LMBRD2: variants seen among roughly 807,000 people sequenced by gnomAD.
LMBRD2 encodes the protein G protein-coupled receptor-associated protein LMBRD2.
In LMBRD2, 55 loss-of-function variants were observed where a neutral mutation model predicts 94.4. That is an observed-to-expected ratio of 0.58 (90% CI 0.47 to 0.73). LMBRD2 has a LOEUF of 0.73. Ranked by LOEUF, LMBRD2 falls within the 30% of genes least tolerant of loss-of-function variation. LMBRD2 has a pLI of 0.00. For missense variants in LMBRD2, 640 were observed against 831.9 expected, an observed-to-expected ratio of 0.77 and a Z score of 2.84; for synonymous variants, 246 against 272.4, an observed-to-expected ratio of 0.90 and a Z score of 0.95.
Position 36,101,488 on chromosome 5 carries a change from G to C in LMBRD2, c.*2558C>G, listed in dbSNP as rs1743345053. On this transcript the variant is annotated 3_prime_UTR_variant, in exon 18 of 18. Coordinates refer to ENST00000296603, the MANE Select transcript of LMBRD2 (RefSeq NM_001007527.2). ...TTTGCATGTAAAGTATATGTATTTA[G>C]TAGTCCTATTTTGCAGTAGATGTCA... is the stretch of plus-strand genomic sequence containing the variant. 1 of 151,820 alleles carries C rather than the reference G, an allele frequency of 6.6e-6. No individual in the cohort carries two copies. Among genetic ancestry groups the C allele is most frequent in the Non-Finnish European group, 1.5e-5 (1 of 67,824 alleles). 9.4% of individuals were successfully genotyped at this position (151,820 alleles called of 1,614,324 possible).
intron 16 of LMBRD2, among the ~76,000 whole-genome samples, chr5:36,108,014 C>CA (rs1437890823): frequency 6.6e-6 from 1 of 152,128 alleles, no homozygotes; most frequent in African/African-American, 2.4e-5. Context: ...AGTGTGGGGT[C>CA]AGTGATACAA....
chr5:36,114,656 A>C, intron 12 of LMBRD2, 135 bp from the exon 13 acceptor site: 2 of 1,095,210 alleles, frequency 1.8e-6, no homozygotes, highest in Non-Finnish European at 2.4e-6. Flanking sequence ...AAAAGCAGTA[A>C]ATGGACTTAT....
intron 3 of LMBRD2, among the ~76,000 whole-genome samples, chr5:36,142,008 G>A (rs1744421370): frequency 1.3e-5 from 2 of 152,048 alleles, no homozygotes; most frequent in African/African-American, 2.4e-5. Flanking sequence ...TTAAAAGTTC[G>A]ATATGAATTC....
intron 6 of LMBRD2, among the ~76,000 whole-genome samples, chr5:36,126,244 T>C (rs560248356): frequency 1.3e-5 from 2 of 152,348 alleles, no homozygotes; most frequent in South Asian, 2.1e-4. Context: ...ACTTTTAATA[T>C]GAACTAAACA....
intron 2 of LMBRD2, 64 bp from the exon 3 acceptor site, chr5:36,142,663 T>A: frequency 1.2e-6 from 1 of 869,258 alleles, no homozygotes; most frequent in South Asian, 1.4e-5. Flanking sequence ...TTAAAGGACA[T>A]CAGAGTTTAT....
chr5:36,124,101 A>G (rs1743949250), intron 7 of LMBRD2, 90 bp downstream of exon 7: 1 of 673,984 alleles, frequency 1.5e-6, no homozygotes. Context: ...GACCTCAGCT[A>G]TAGGCTGTTT....
At chr5:36,106,469 A>C (rs1362739752) in intron 16 of LMBRD2, among the ~76,000 whole-genome samples, 1 of 149,540 alleles carries the variant, frequency 6.7e-6, no homozygotes. Flanking sequence ...CCAGATTGAA[A>C]TCTTACCTTT....
chr5:36,138,578 C>T (rs145292501), intron 4 of LMBRD2, among the ~76,000 whole-genome samples: 3 of 152,108 alleles, frequency 2.0e-5, no homozygotes, highest in Admixed American at 6.5e-5. Context: ...GAAGCGTGAG[C>T]GAGGCTTCTG....
At chr5:36,117,434 T>C (rs1184964941) in intron 10 of LMBRD2, among the ~76,000 whole-genome samples, 2 of 151,820 alleles carry the variant, frequency 1.3e-5, no homozygotes, top group African/African-American at 4.8e-5. Flanking sequence ...CAGTGAGCCA[T>C]GTTCATGCCA....
rs557380321 is a variant in LMBRD2, at chr5:36,099,683, T to C, written c.*4363A>G. 50 of 152,284 alleles carry C rather than the reference T, an allele frequency of 3.3e-4. No individual in the cohort carries two copies. The highest frequency in any genetic ancestry group is 1.2e-3 in the African/African-American group (48 of 41,588). The allele number at this position is 152,284 out of a possible 1,614,324, so 9.4% of individuals were successfully genotyped here. A position where few individuals can be genotyped will look rare whatever the true frequency, so the allele number is the denominator to read the frequency against. ...TTTGAACTAAGTACAGTAAAATTCT[T>C]TCACAAAATAATCTGAGATCAAGAT... On this transcript the variant is annotated 3_prime_UTR_variant, in exon 18 of 18. Coordinates refer to ENST00000296603, the MANE Select transcript of LMBRD2 (RefSeq NM_001007527.2).
intron 5 of LMBRD2, 86 bp from the exon 6 acceptor site, chr5:36,136,605 A>G (rs1284963826): frequency 1.9e-6 from 2 of 1,035,234 alleles, no homozygotes; most frequent in Non-Finnish European, 2.9e-6. Context: ...CACAGGAGAC[A>G]CTGTTTCTAC....
At chr5:36,128,393 C>T (rs933297161) in intron 6 of LMBRD2, among the ~76,000 whole-genome samples, 1 of 152,164 alleles carries the variant, frequency 6.6e-6, no homozygotes, top group African/African-American at 2.4e-5. Flanking sequence ...GAATCAAGCC[C>T]ATCCAGAAAA....
At chr5:36,106,245 T>TAGCC (rs1190123859) in intron 16 of LMBRD2, among the ~76,000 whole-genome samples, 1 of 152,156 alleles carries the variant, frequency 6.6e-6, no homozygotes, top group African/African-American at 2.4e-5. Flanking sequence ...ACTAAGCCTT[T>TAGCC]AGCCCTTTCC....
At chr5:36,149,246 C>A (rs182059638) in intron 1 of LMBRD2, among the ~76,000 whole-genome samples, 295 of 152,030 alleles carry the variant, frequency 1.9e-3, no homozygotes, top group Middle Eastern at 6.8e-3. Flanking sequence ...TGGGAAGAAA[C>A]AGGCAATTAA....
intron 3 of LMBRD2, 71 bp from the exon 4 acceptor site, chr5:36,141,273 T>G: frequency 2.4e-6 from 2 of 844,700 alleles, no homozygotes; most frequent in East Asian, 2.6e-5. Context: ...TTAATTTGCA[T>G]GTGGCCAAGT....
At position 36,115,715 on chromosome 5, in the gene LMBRD2, T is replaced by TACAC. The variant is rs142065535; in HGVS notation, c.1437-599_1437-596dup. On this transcript the variant is annotated intron_variant, in intron 11 of 17. Coordinates refer to ENST00000296603, the MANE Select transcript of LMBRD2 (RefSeq NM_001007527.2). ...GATTGTGTTGGTGGCTACAGGAATC[T>TACAC]ACACACACACACACACACACGAATG... is the stretch of plus-strand genomic sequence containing the variant. 6.0e-3 allele frequency among the ~76,000 whole-genome samples: 902 copies of TACAC among 149,996 alleles called. 6 individuals are homozygous for TACAC. The highest frequency in any genetic ancestry group is 0.021 in the African/African-American group (851 of 41,022).
intron 1 of LMBRD2, among the ~76,000 whole-genome samples, chr5:36,145,727 T>C (rs1033739318): frequency 1.3e-5 from 2 of 152,112 alleles, no homozygotes; most frequent in African/African-American, 2.4e-5. Context: ...GCAAGGAATA[T>C]GACAATCATA....
intron 10 of LMBRD2, among the ~76,000 whole-genome samples, 162 bp downstream of exon 10, chr5:36,117,573 T>C (rs1743787377): frequency 6.6e-6 from 1 of 151,972 alleles, no homozygotes; most frequent in East Asian, 1.9e-4. Flanking sequence ...TTAATTTCTA[T>C]AGTGTGGGTA....
At chr5:36,144,098 CTA>C (rs1744481183) in intron 1 of LMBRD2, among the ~76,000 whole-genome samples, 1 of 151,880 alleles carries the variant, frequency 6.6e-6, no homozygotes, top group African/African-American at 2.4e-5. Flanking sequence ...TTATCAATGA[CTA>C]TTAAAGTCAT....
Sources: gnomAD v4.1 joint callset for allele counts (sites outside exome capture counted in the v4.1 genomes callset) on GRCh38, gnomAD v4.1.1 for gene constraint, MANE v1.5 for transcripts, NCBI Gene and HGNC (gene_info 2026-07-23, HGNC 2026-07-21) for gene names.